RTN1: variants seen among roughly 807,000 people sequenced by gnomAD.
The protein encoded by RTN1 is reticulon-1.
RTN1 carries 25 observed loss-of-function variants against 65.5 expected under a neutral mutation model. The observed-to-expected ratio is 0.38, with a 90% CI of 0.28 to 0.53. The LOEUF (loss-of-function observed/expected upper bound fraction) is 0.53. Ranked by LOEUF, RTN1 falls within the 20% of genes least tolerant of loss-of-function variation. RTN1 has a pLI of 0.79. For missense variants in RTN1, 983 were observed against 1,025.4 expected, an observed-to-expected ratio of 0.96 and a Z score of 0.57; for synonymous variants, 471 against 447.6, an observed-to-expected ratio of 1.05 and a Z score of -0.66.
chr14:59,750,212 A>ATATATTATATCTATAATATAT lies in RTN1; in HGVS notation c.242-3732_242-3731insATATATTATAGATATAATATA, dbSNP rs1566713339. Among the ~76,000 whole-genome samples, 79 of 28,806 alleles carry ATATATTATATCTATAATATAT rather than the reference A, an allele frequency of 2.7e-3. 7 individuals are homozygous for ATATATTATATCTATAATATAT. Among genetic ancestry groups the ATATATTATATCTATAATATAT allele is most frequent in the Admixed American group, 8.3e-3 (10 of 1,200 alleles). The allele number at this position is 28,806 out of a possible 152,430, so 18.9% of individuals were successfully genotyped here. A position where few individuals can be genotyped will look rare whatever the true frequency, so the allele number is the denominator to read the frequency against. The stretch of plus-strand genomic sequence containing the variant: ...ATATATTATATCTATAATATATAAT[A>ATATATTATATCTATAATATAT]TATATATTATATCTATAATATATAT... On this transcript the variant is annotated intron_variant, in intron 1 of 8. Coordinates refer to ENST00000267484, the MANE Select transcript of RTN1 (RefSeq NM_021136.3).
chr14:59,729,838 C>A (rs1884862071), intron 2 of RTN1, among the ~76,000 whole-genome samples: 1 of 152,132 alleles, frequency 6.6e-6, no homozygotes, highest in Non-Finnish European at 1.5e-5. Flanking sequence ...GAAAGCATAC[C>A]CAGGATTCCT....
chr14:59,835,442 T>A (rs1164944945), intron 1 of RTN1, among the ~76,000 whole-genome samples: 4 of 152,178 alleles, frequency 2.6e-5, no homozygotes, highest in Non-Finnish European at 5.9e-5. Flanking sequence ...TTTAAATTTG[T>A]GTAGTTTATT....
chr14:59,835,559 T>C (rs1299425850), intron 1 of RTN1, among the ~76,000 whole-genome samples: 1 of 152,210 alleles, frequency 6.6e-6, no homozygotes, highest in African/African-American at 2.4e-5. Context: ...GGCACTGTTG[T>C]AGGCACTAGC....
intron 3 of RTN1, among the ~76,000 whole-genome samples, chr14:59,690,864 T>A (rs550406119): frequency 6.6e-6 from 1 of 151,700 alleles, no homozygotes; most frequent in South Asian, 2.1e-4. Flanking sequence ...AAAATTAAGG[T>A]ATAAAGAAAA....
chr14:59,847,627 T>C (rs1271415044), intron 1 of RTN1, among the ~76,000 whole-genome samples: 1 of 152,232 alleles, frequency 6.6e-6, no homozygotes, highest in African/African-American at 2.4e-5. Flanking sequence ...TTATCTGCTT[T>C]CTATCATAAA....
intron 3 of RTN1, among the ~76,000 whole-genome samples, chr14:59,656,353 T>C (rs1883123296): frequency 6.6e-6 from 1 of 152,206 alleles, no homozygotes; most frequent in South Asian, 2.1e-4. Context: ...TTTTATGGTA[T>C]ATAAATTGTA....
At chr14:59,807,665 T>C (rs1451408178) in intron 1 of RTN1, among the ~76,000 whole-genome samples, 2 of 152,182 alleles carry the variant, frequency 1.3e-5, no homozygotes, top group African/African-American at 2.4e-5. Context: ...GGGAAAAGCT[T>C]TAACTTTAGA....
chr14:59,815,630 A>G (rs1028441867), intron 1 of RTN1, among the ~76,000 whole-genome samples: 2 of 152,170 alleles, frequency 1.3e-5, no homozygotes, highest in Non-Finnish European at 2.9e-5. Context: ...GAAGGTCTCC[A>G]TGGGGAGCCT....
intron 4 of RTN1, chr14:59,605,786 G>A: frequency 3.4e-6 from 1 of 296,202 alleles, no homozygotes; most frequent in Non-Finnish European, 6.2e-6. Context: ...GAAACCAGCT[G>A]GGACCAGAGA....
intron 1 of RTN1, among the ~76,000 whole-genome samples, chr14:59,759,330 T>C (rs1019782931): frequency 6.6e-6 from 1 of 152,180 alleles, no homozygotes; most frequent in Admixed American, 6.5e-5. Flanking sequence ...TGGGTTCAAA[T>C]GCATGGCTTG....
intron 1 of RTN1, among the ~76,000 whole-genome samples, chr14:59,850,726 A>G (rs111440197): frequency 9.4e-4 from 143 of 152,328 alleles, no homozygotes; most frequent in African/African-American, 3.4e-3. Context: ...ACAATAATTG[A>G]TAGAGAATAC....
At chr14:59,606,710 CT>C (rs1357714587) in intron 4 of RTN1, among the ~76,000 whole-genome samples, 1 of 152,190 alleles carries the variant, frequency 6.6e-6, no homozygotes, top group African/African-American at 2.4e-5. Context: ...GTAGATTGCC[CT>C]TTTATTTTTG....
intron 1 of RTN1, among the ~76,000 whole-genome samples, chr14:59,770,619 G>A (rs1193093751): frequency 1.3e-5 from 2 of 151,692 alleles, no homozygotes; most frequent in Non-Finnish European, 2.9e-5. Context: ...TTTTTGCATT[G>A]TTTATTTTCA....
chr14:59,706,101 T>G (rs1022847298), intron 3 of RTN1, among the ~76,000 whole-genome samples: 14 of 152,146 alleles, frequency 9.2e-5, no homozygotes, highest in Non-Finnish European at 1.9e-4. Context: ...GGAGAGGAAG[T>G]CTCCATGCTC....
chr14:59,633,078 G>T (rs1308760165), intron 3 of RTN1, among the ~76,000 whole-genome samples: 1 of 152,198 alleles, frequency 6.6e-6, no homozygotes, highest in South Asian at 2.1e-4. Flanking sequence ...ACTCCAGCCT[G>T]GGTGACATAG....
At position 59,846,419 on chromosome 14, in the gene RTN1, T is replaced by G. The variant is rs1479199761; in HGVS notation, c.241+23971A>C. Among the ~76,000 whole-genome samples, 1 of 152,044 alleles carries G rather than the reference T, an allele frequency of 6.6e-6. No individual in the cohort carries two copies. Among genetic ancestry groups the G allele is most frequent in the Non-Finnish European group, 1.5e-5 (1 of 68,012 alleles). The stretch of plus-strand genomic sequence containing the variant: ...ATCAGAGTTGATGTATGCACACGTG[T>G]GTACACACACACGTGTGTACCACAC... On this transcript the variant is annotated intron_variant, in intron 1 of 8. Transcript: ENST00000267484. This position sits in a 1 kb window ranked among gnomAD's most constrained non-coding sequence, Gnocchi z 4.8.
At position 59,760,699 on chromosome 14, in the gene RTN1, G is replaced by C. The variant is rs184980421; in HGVS notation, c.242-14218C>G. On this transcript the variant is annotated intron_variant, in intron 1 of 8. Transcript: ENST00000267484. ...TTCTTCATCCTCTTCTTCACGTTTT[G>C]TTTTCCCTGCACTGTGAGCTCATAG... Among the ~76,000 whole-genome samples, 129 of 152,242 alleles carry C rather than the reference G, an allele frequency of 8.5e-4. 1 individual carries two copies. Among genetic ancestry groups the C allele is most frequent in the African/African-American group, 3.0e-3 (124 of 41,536 alleles).
At chr14:59,751,191 C>CTTTTTTTTT (rs34021179) in intron 1 of RTN1, among the ~76,000 whole-genome samples, 35 of 90,802 alleles carry the variant, frequency 3.9e-4, no homozygotes, top group Non-Finnish European at 4.3e-4. Flanking sequence ...CTCATTATAC[C>CTTTTTTTTT]TTTTTTTTTT....
At chr14:59,630,609 G>A in intron 3 of RTN1, 2 of 1,578,050 alleles carry the variant, frequency 1.3e-6, no homozygotes, top group Non-Finnish European at 1.7e-6. Context: ...GTGGCCGCGC[G>A]GCTGCGGAGA....
Sources: gnomAD v4.1 joint callset for allele counts (sites outside exome capture counted in the v4.1 genomes callset) on GRCh38, gnomAD v4.1.1 for gene constraint, Gnocchi (gnomAD v3.1) non-coding constraint, MANE v1.5 for transcripts, NCBI Gene and HGNC (gene_info 2026-07-23, HGNC 2026-07-21) for gene names.